Variants in CAPZB observed in about 807,000 individuals in gnomAD.
CAPZB encodes the protein F-actin-capping protein subunit beta.
A neutral mutation model predicts 38.1 loss-of-function variants in CAPZB; 2 were observed. The observed-to-expected ratio is 0.05, with a 90% CI of 0.02 to 0.17. CAPZB has a LOEUF of 0.17. Ranked by LOEUF, CAPZB falls within the 10% of genes least tolerant of loss-of-function variation. The pLI is 1.00. For missense variants in CAPZB, 161 were observed against 334.2 expected (o/e 0.48, Z 4.04); for synonymous variants, 107 against 127.4 (o/e 0.84, Z 1.08).
intron 8 of CAPZB, chr1:19,342,981 G>A: frequency 5.6e-6 from 4 of 714,474 alleles, no homozygotes; most frequent in Non-Finnish European, 1.0e-5. Flanking sequence ...CGGAAGGGGG[G>A]ATGCCGTGGC....
intron 1 of CAPZB, among the ~76,000 whole-genome samples, chr1:19,484,860 G>T (rs1310437252): frequency 6.6e-6 from 1 of 152,210 alleles, no homozygotes; most frequent in African/African-American, 2.4e-5. Flanking sequence ...TAAGTTCACA[G>T]AGAGAAGAGG....
intron 1 of CAPZB, among the ~76,000 whole-genome samples, chr1:19,457,763 G>A (rs1368508803): frequency 6.6e-6 from 1 of 152,104 alleles, no homozygotes; most frequent in Non-Finnish European, 1.5e-5. Context: ...CTGTAAAAGT[G>A]TTCATACTGT....
At chr1:19,368,662 CTTT>C (rs55649494) in intron 4 of CAPZB, among the ~76,000 whole-genome samples, 8 of 132,372 alleles carry the variant, frequency 6.0e-5, no homozygotes, top group Non-Finnish European at 4.8e-5. Flanking sequence ...GCAAGAATGC[CTTT>C]TTTTTTTTTT....
At chr1:19,472,688 A>G (rs2094593249) in intron 1 of CAPZB, among the ~76,000 whole-genome samples, 1 of 150,694 alleles carries the variant, frequency 6.6e-6, no homozygotes, top group Non-Finnish European at 1.5e-5. Flanking sequence ...AAGAGCTGCA[A>G]CTACTGCGCT....
chr1:19,477,266 C>A (rs191162169), intron 1 of CAPZB, among the ~76,000 whole-genome samples: 33 of 152,308 alleles, frequency 2.2e-4, no homozygotes, highest in African/African-American at 7.9e-4. Context: ...CACACCCCAG[C>A]CCATCCTCTC....
At chr1:19,448,890 C>G (rs2094505035) in intron 1 of CAPZB, 1 of 1,612,806 alleles carries the variant, frequency 6.2e-7, no homozygotes, top group African/African-American at 1.3e-5. Flanking sequence ...CGAGAGAACC[C>G]TGTATCCTGG....
intron 1 of CAPZB, among the ~76,000 whole-genome samples, chr1:19,477,431 G>A (rs2094610677): frequency 6.6e-6 from 1 of 152,254 alleles, no homozygotes; most frequent in Admixed American, 6.5e-5. Flanking sequence ...TAACAGCCAA[G>A]CCTGGCCGCT....
chr1:19,462,843 ACT>A (rs933503849), intron 1 of CAPZB, among the ~76,000 whole-genome samples: 1 of 152,214 alleles, frequency 6.6e-6, no homozygotes, highest in Non-Finnish European at 1.5e-5. Context: ...AATTGAATTC[ACT>A]GATACTGAAA....
chr1:19,438,375 T>C (rs1284289661), intron 1 of CAPZB, among the ~76,000 whole-genome samples: 2 of 152,104 alleles, frequency 1.3e-5, no homozygotes, highest in African/African-American at 4.8e-5. Context: ...GGAAAGGAAA[T>C]ACAGAGGAAG....
chr1:19,347,106 G>A (rs917769635), intron 6 of CAPZB, among the ~76,000 whole-genome samples: 3 of 152,006 alleles, frequency 2.0e-5, no homozygotes, highest in Non-Finnish European at 2.9e-5. Flanking sequence ...CTCCCGAAGT[G>A]CTGGGATTAC....
intron 8 of CAPZB, among the ~76,000 whole-genome samples, chr1:19,343,670 G>A (rs2093944988): frequency 6.6e-6 from 1 of 152,252 alleles, no homozygotes; most frequent in East Asian, 1.9e-4. Flanking sequence ...CCCCAGCTGG[G>A]CTCTGGCCTC....
intron 2 of CAPZB, among the ~76,000 whole-genome samples, chr1:19,391,801 G>A (rs184621875): frequency 3.3e-5 from 5 of 152,326 alleles, no homozygotes; most frequent in Admixed American, 2.0e-4. Context: ...CTCCAGGCCC[G>A]TGTCAGGTGC....
rs781293318 is a variant in CAPZB, at chr1:19,340,926, G to C, written c.732-1309C>G. Among the ~76,000 whole-genome samples, 28 of 152,254 alleles carry C rather than the reference G, an allele frequency of 1.8e-4. 1 individual carries two copies. The highest frequency in any genetic ancestry group is 6.7e-4 in the African/African-American group (28 of 41,544). ...AGAGTGCACTCAGCCGGACTCTCAC[G>C]TTTGATTCACACCAGCCATGGGAAG... On this transcript the variant is annotated intron_variant, in intron 8 of 8. Coordinates refer to ENST00000264202, the MANE Select transcript of CAPZB (RefSeq NM_004930.5).
intron 2 of CAPZB, among the ~76,000 whole-genome samples, chr1:19,392,796 A>G (rs1288883265): frequency 6.6e-6 from 1 of 152,212 alleles, no homozygotes; most frequent in Non-Finnish European, 1.5e-5. Flanking sequence ...GACTCAAGAA[A>G]AAAAGTGTTT....
At chr1:19,424,526 C>T (rs895126730) in intron 1 of CAPZB, 1 of 152,372 alleles carries the variant, frequency 6.6e-6, no homozygotes. Flanking sequence ...ATGGTGACTT[C>T]CTGGGAGCAG....
At chr1:19,342,221 G>T (rs1199728396) in intron 8 of CAPZB, among the ~76,000 whole-genome samples, 1 of 152,258 alleles carries the variant, frequency 6.6e-6, no homozygotes, top group Non-Finnish European at 1.5e-5. Flanking sequence ...CCAGGGTGGA[G>T]TCCAGCCCTG....
rs889497994 is a variant in CAPZB at position 19,452,789 on chromosome 1, C to A, written c.3+32647G>T. 5.6e-5 allele frequency among the ~76,000 whole-genome samples: 7 copies of A among 125,210 alleles called. No individual in the cohort carries two copies. In the South Asian group the frequency reaches 1.8e-3, roughly 32 times the overall value. The allele number at this position is 125,210 out of a possible 152,430, so 82.1% of individuals were successfully genotyped here. A position where few individuals can be genotyped will look rare whatever the true frequency, so the allele number is the denominator to read the frequency against. On this transcript the variant is annotated intron_variant, in intron 1 of 8. Transcript: ENST00000264202. The stretch of plus-strand genomic sequence containing the variant: ...CCACCTTCGGCAGTCAGAATAATTT[C>A]TTTCTTTTTTTTTTTTTTTTTTGTC...
intron 2 of CAPZB, among the ~76,000 whole-genome samples, chr1:19,416,688 G>A (rs2094380691): frequency 1.3e-5 from 2 of 151,700 alleles, no homozygotes; most frequent in Non-Finnish European, 2.9e-5. Flanking sequence ...CAGTCTCTAT[G>A]CAAAATAAAA....
At chr1:19,442,872 C>A (rs746769948) in intron 1 of CAPZB, among the ~76,000 whole-genome samples, 1 of 152,154 alleles carries the variant, frequency 6.6e-6, no homozygotes, top group African/African-American at 2.4e-5. Context: ...GCCTACTCCA[C>A]GTTACACAAA....
Sources: gnomAD v4.1 joint callset for allele counts (sites outside exome capture counted in the v4.1 genomes callset) on GRCh38, gnomAD v4.1.1 for gene constraint, MANE v1.5 for transcripts, NCBI Gene and HGNC (gene_info 2026-07-23, HGNC 2026-07-21) for gene names.